Variants in LYRM4 observed in about 807,000 individuals in gnomAD.
LYRM4 encodes the protein LYR motif containing 4.
A neutral mutation model predicts 11.7 loss-of-function variants in LYRM4; 9 were observed. The ratio of observed to expected loss-of-function variants is 0.77; its 90% CI spans 0.46 to 1.34. LYRM4 has a LOEUF of 1.34. Ranked by LOEUF, LYRM4 falls within the 40% of genes most tolerant of loss-of-function variation. LYRM4 has a pLI of 0.00. For missense variants in LYRM4, 133 were observed against 112.5 expected, an observed-to-expected ratio of 1.18 and a Z score of -0.82; for synonymous variants, 42 against 40.4, an observed-to-expected ratio of 1.04 and a Z score of -0.15.
At chr6:5,155,408 C>G (rs1379849042) in intron 2 of LYRM4, among the ~76,000 whole-genome samples, 2 of 152,220 alleles carry the variant, frequency 1.3e-5, no homozygotes, top group East Asian at 3.9e-4. Context: ...AATACTACTA[C>G]AGAAACAGGA....
rs1314016498 is a variant in LYRM4 at position 5,239,525 on chromosome 6, A to AG, written c.86+21122dup. 2.9e-4 allele frequency among the ~76,000 whole-genome samples: 44 copies of AG among 151,996 alleles called. 1 individual carries two copies. Among genetic ancestry groups the AG allele is most frequent in the African/African-American group, 8.0e-4 (33 of 41,400 alleles). ...TGTGGGAAGGTCAAGATGGAGTGCA[A>AG]GGGGCCTCCAATGTCAAGCGGAGCC... On this transcript the variant is annotated intron_variant, in intron 1 of 2. Coordinates refer to ENST00000330636, the MANE Select transcript of LYRM4 (RefSeq NM_020408.6).
At chr6:5,147,909 G>C (rs1323185573) in intron 2 of LYRM4, among the ~76,000 whole-genome samples, 1 of 152,202 alleles carries the variant, frequency 6.6e-6, no homozygotes, top group South Asian at 2.1e-4. Flanking sequence ...GCTGATGAGA[G>C]ATTACTGTCC....
intron 2 of LYRM4, among the ~76,000 whole-genome samples, chr6:5,115,749 A>C (rs1293665167): frequency 2.0e-5 from 3 of 152,226 alleles, no homozygotes; most frequent in Admixed American, 6.5e-5. Flanking sequence ...GTTTGAATTA[A>C]ATTTAAAAAA....
the LYRM4 span, chr6:5,088,260 A>G: frequency 6.6e-6 from 1 of 151,952 alleles, no homozygotes; most frequent in African/African-American, 2.4e-5. Context: ...ACACCTGGCT[A>G]ATTTTTGTAT....
At chr6:5,102,261 C>T (rs1762528529), downstream of LYRM4, among the ~76,000 whole-genome samples, 1 of 152,098 alleles carries the variant, frequency 6.6e-6, no homozygotes, top group Admixed American at 6.6e-5. Flanking sequence ...ATTTTAAACA[C>T]ATTACATGCT....
At chr6:5,235,698 T>C (rs544597265) in intron 1 of LYRM4, among the ~76,000 whole-genome samples, 210 of 152,366 alleles carry the variant, frequency 1.4e-3, no homozygotes, top group Non-Finnish European at 2.5e-3. Flanking sequence ...AGATTAAGTA[T>C]GTGGATGTAA....
intron 2 of LYRM4, chr6:5,113,446 T>C: frequency 3.0e-6 from 1 of 335,954 alleles, no homozygotes; most frequent in Non-Finnish European, 6.0e-6. Context: ...AGGTGAGAGG[T>C]GATTCCAGCT....
chr6:5,080,710 A>T, the LYRM4 span, among the ~76,000 whole-genome samples: 1 of 152,134 alleles, frequency 6.6e-6, no homozygotes, highest in African/African-American at 2.4e-5. Flanking sequence ...TGAGAATGCT[A>T]CCTATGGAAT....
At chr6:5,176,802 T>G (rs2127672787) in intron 2 of LYRM4, among the ~76,000 whole-genome samples, 1 of 152,362 alleles carries the variant, frequency 6.6e-6, no homozygotes, top group African/African-American at 2.4e-5. Context: ...AATGTGTATC[T>G]CAGATTTCTA....
At chr6:5,248,965 G>A (rs1263114866) in intron 1 of LYRM4, among the ~76,000 whole-genome samples, 1 of 152,236 alleles carries the variant, frequency 6.6e-6, no homozygotes, top group African/African-American at 2.4e-5. Context: ...TACAGTGACA[G>A]AGTTCTTTGG....
chr6:5,231,732 C>T (rs1253354757), intron 1 of LYRM4, among the ~76,000 whole-genome samples: 2 of 152,184 alleles, frequency 1.3e-5, no homozygotes, highest in East Asian at 1.9e-4. Context: ...ACCCGGAATA[C>T]AATACCACGC....
At chr6:5,191,710 C>T (rs963151480) in intron 2 of LYRM4, among the ~76,000 whole-genome samples, 3 of 152,118 alleles carry the variant, frequency 2.0e-5, no homozygotes, top group Non-Finnish European at 2.9e-5. Flanking sequence ...GTCTGAAAAC[C>T]ACTGAGTGAA....
intron 1 of LYRM4, among the ~76,000 whole-genome samples, chr6:5,251,637 A>C (rs912957458): frequency 1.3e-5 from 2 of 152,196 alleles, no homozygotes; most frequent in African/African-American, 4.8e-5. Context: ...ATTCATGAGA[A>C]ACCTGCCCCC....
chr6:5,057,222 C>T, the LYRM4 span, among the ~76,000 whole-genome samples: 3 of 152,098 alleles, frequency 2.0e-5, no homozygotes, highest in East Asian at 1.9e-4. Flanking sequence ...GACCTGGGGG[C>T]CCACGAGCCA....
chr6:5,103,628 A>ATTTTT (rs1491437052), downstream of LYRM4: 3 of 98,622 alleles, frequency 3.0e-5, no homozygotes, highest in African/African-American at 4.1e-5. Flanking sequence ...AATATCTGAG[A>ATTTTT]TATTTTTTTT....
intron 2 of LYRM4, among the ~76,000 whole-genome samples, chr6:5,120,679 T>C (rs1763409105): frequency 1.3e-5 from 2 of 152,300 alleles, no homozygotes; most frequent in African/African-American, 4.8e-5. Flanking sequence ...AGGGTGCTGA[T>C]TGGTCCATTT....
chr6:5,144,477 AAC>A (rs1232885404), intron 2 of LYRM4, among the ~76,000 whole-genome samples: 41 of 152,082 alleles, frequency 2.7e-4, no homozygotes, highest in Non-Finnish European at 4.4e-5. Context: ...CTCTACTAAA[AAC>A]ACAAAAAATT....
At chr6:5,074,999 C>G in the LYRM4 span, among the ~76,000 whole-genome samples, 1 of 152,122 alleles carries the variant, frequency 6.6e-6, no homozygotes, top group Non-Finnish European at 1.5e-5. Context: ...GGAGTGAATT[C>G]TTGCAAGATC....
chr6:5,084,289 G>A, the LYRM4 span, among the ~76,000 whole-genome samples: 1 of 152,196 alleles, frequency 6.6e-6, no homozygotes, highest in Non-Finnish European at 1.5e-5. Flanking sequence ...ACCACGACGC[G>A]CTTCCCCACC....
Sources: gnomAD v4.1 joint callset for allele counts (sites outside exome capture counted in the v4.1 genomes callset) on GRCh38, gnomAD v4.1.1 for gene constraint, MANE v1.5 for transcripts, NCBI Gene and HGNC (gene_info 2026-07-23, HGNC 2026-07-21) for gene names.